RAD51B: variants seen among roughly 807,000 people sequenced by gnomAD.
RAD51B encodes the protein DNA repair protein RAD51 homolog 2.
Under a neutral mutation model 42.2 loss-of-function variants are expected in RAD51B, and 38 were observed. The observed-to-expected ratio is 0.90, with a 90% confidence interval of 0.70 to 1.18. The LOEUF is 1.18. Among genes scored for constraint, RAD51B ranks in the 50% most tolerant of loss-of-function variants. The pLI, the probability that RAD51B is intolerant of heterozygous loss-of-function variation, is 0.00. For synonymous variants in RAD51B, 154 were observed against 145.2 expected (o/e 1.06, Z -0.43); for missense variants, 373 against 400.7 (o/e 0.93, Z 0.59).
rs1224436098 is a variant in RAD51B, at chr14:68,226,543, T to C, written c.757-65341T>C. ...AGTAAATAAGTCTCACAAGATCTGATGGTTTTATAAAGGGGAGTTCCCCTA... is the reference window on the plus strand; with the variant it reads ...AGTAAATAAGTCTCACAAGATCTGACGGTTTTATAAAGGGGAGTTCCCCTA... On this transcript the variant is annotated intron_variant, in intron 7 of 10. Coordinates refer to ENST00000471583, the MANE Select transcript of RAD51B (RefSeq NM_133510.4). Among the ~76,000 whole-genome samples the C allele has an allele frequency of 2.6e-5, 4 of 152,156 alleles. No individual in the cohort carries two copies. In the South Asian group the frequency reaches 8.3e-4, roughly 32 times the overall value.
chr14:67,984,925 A>G (rs926130124), intron 7 of RAD51B, among the ~76,000 whole-genome samples: 11 of 152,230 alleles, frequency 7.2e-5, no homozygotes, highest in African/African-American at 2.2e-4. Flanking sequence ...ATTAAAATAC[A>G]TATGTTGAGG....
At chr14:68,284,994 C>T (rs1463544817) in intron 7 of RAD51B, among the ~76,000 whole-genome samples, 1 of 152,154 alleles carries the variant, frequency 6.6e-6, no homozygotes, top group Non-Finnish European at 1.5e-5. Context: ...CTGCCTCTTG[C>T]CCTCATTGCT....
At chr14:68,287,997 G>T (rs2081445471) in intron 7 of RAD51B, among the ~76,000 whole-genome samples, 1 of 152,158 alleles carries the variant, frequency 6.6e-6, no homozygotes, top group African/African-American at 2.4e-5. Context: ...CAAAGCCCTT[G>T]TCCTAAACAC....
At chr14:67,864,861 G>A (rs2042272783) in intron 4 of RAD51B, 142 bp from the exon 5 acceptor site, 1 of 1,285,126 alleles carries the variant, frequency 7.8e-7, no homozygotes, top group Non-Finnish European at 1.1e-6. Flanking sequence ...GATGTCTTGG[G>A]CTTAATTCTC....
At chr14:68,354,337 C>T (rs1383462929) in intron 8 of RAD51B, among the ~76,000 whole-genome samples, 1 of 151,410 alleles carries the variant, frequency 6.6e-6, no homozygotes, top group Non-Finnish European at 1.5e-5. Flanking sequence ...CTGCCTCAGC[C>T]TCCAGAGTAG....
At chr14:68,664,810 A>C (rs1320193897) in intron 11 of RAD51B, among the ~76,000 whole-genome samples, 2 of 152,004 alleles carry the variant, frequency 1.3e-5, no homozygotes, top group African/African-American at 2.4e-5. Context: ...CTTATCCTCT[A>C]TCTCCTGGGT....
chr14:68,173,004 A>G (rs2078901301), intron 7 of RAD51B, among the ~76,000 whole-genome samples: 1 of 152,210 alleles, frequency 6.6e-6, no homozygotes, highest in East Asian at 1.9e-4. Flanking sequence ...ATACAGCTCC[A>G]GGCATTTGCA....
At chr14:68,069,897 C>G (rs761573347) in intron 7 of RAD51B, among the ~76,000 whole-genome samples, 1 of 152,178 alleles carries the variant, frequency 6.6e-6, no homozygotes, top group Non-Finnish European at 1.5e-5. Context: ...AATTTACATT[C>G]TCACCAGCAG....
chr14:68,588,806 T>C (rs1366963280), intron 10 of RAD51B, among the ~76,000 whole-genome samples: 4 of 152,204 alleles, frequency 2.6e-5, no homozygotes, highest in Non-Finnish European at 5.9e-5. Context: ...TGGTGTGTTC[T>C]GTCATTACAG....
chr14:67,848,328 T>A (rs1222662448), intron 4 of RAD51B, among the ~76,000 whole-genome samples: 1 of 152,214 alleles, frequency 6.6e-6, no homozygotes, highest in Non-Finnish European at 1.5e-5. Flanking sequence ...GATTGTACCC[T>A]TTATCACTGT....
At chr14:68,538,630 T>C (rs1413393901) in intron 10 of RAD51B, among the ~76,000 whole-genome samples, 2 of 142,350 alleles carry the variant, frequency 1.4e-5, no homozygotes, top group Non-Finnish European at 3.1e-5. Flanking sequence ...AGCACACCGC[T>C]TTTTTTTTTT....
intron 7 of RAD51B, among the ~76,000 whole-genome samples, chr14:68,127,540 G>A (rs369618329): frequency 1.8e-4 from 27 of 151,450 alleles, no homozygotes; most frequent in Non-Finnish European, 2.7e-4. Context: ...GGGAAATATA[G>A]GGGCTCATAT....
chr14:68,066,858 A>G (rs1447818438), intron 7 of RAD51B, among the ~76,000 whole-genome samples: 1 of 152,242 alleles, frequency 6.6e-6, no homozygotes, highest in African/African-American at 2.4e-5. Flanking sequence ...ATTTAAAAGC[A>G]GGCTGATACT....
chr14:67,988,358 C>T (rs574868882), intron 7 of RAD51B, among the ~76,000 whole-genome samples: 2 of 152,172 alleles, frequency 1.3e-5, no homozygotes, highest in South Asian at 4.2e-4. Context: ...ACTTGGGAGG[C>T]TGAGGCAGGA....
At chr14:68,217,869 A>G (rs981837751) in intron 7 of RAD51B, among the ~76,000 whole-genome samples, 1 of 152,232 alleles carries the variant, frequency 6.6e-6, no homozygotes, top group African/African-American at 2.4e-5. Flanking sequence ...ACAACTTTGT[A>G]TAATTTAGCA....
At chr14:68,627,618 C>T (rs1215029253) in intron 10 of RAD51B, among the ~76,000 whole-genome samples, 3 of 152,152 alleles carry the variant, frequency 2.0e-5, no homozygotes, top group African/African-American at 4.8e-5. Flanking sequence ...CTAAGCCTGC[C>T]GTTGGCTTCC....
chr14:68,422,309 TC>T (rs2084723214), intron 9 of RAD51B: 4 of 558,274 alleles, frequency 7.2e-6, no homozygotes, highest in Non-Finnish European at 1.0e-5. Flanking sequence ...ACGCCTGTAA[TC>T]CCAGCACTTT....
rs374917767 is a variant in RAD51B at position 68,661,170 on chromosome 14, G to A, written c.*11+10314G>A. ...GGCCCTTGAGGGTTTCTGAGTATCC[G>A]TGGTTTCCCGTGAATGACTATAGTT... is the stretch of plus-strand genomic sequence containing the variant. On this transcript the variant is annotated intron_variant, in intron 11 of 11. Transcript: ENST00000488612. Among the ~76,000 whole-genome samples the A allele has an allele frequency of 5.1e-4, 77 of 152,308 alleles. 1 individual carries two copies. In the South Asian group the frequency reaches 0.015, roughly 29 times the overall value.
chr14:68,075,597 C>G (rs1367063064), intron 7 of RAD51B, among the ~76,000 whole-genome samples: 3 of 151,926 alleles, frequency 2.0e-5, no homozygotes, highest in Non-Finnish European at 4.4e-5. Context: ...CTTCCTCAGT[C>G]TGAGAGCAGT....
Sources: gnomAD v4.1 joint callset for allele counts (sites outside exome capture counted in the v4.1 genomes callset) on GRCh38, gnomAD v4.1.1 for gene constraint, MANE v1.5 for transcripts, NCBI Gene and HGNC (gene_info 2026-07-23, HGNC 2026-07-21) for gene names.